The following FOCAD variants were observed in gnomAD, a reference collection of about 807,000 sequenced individuals.
FOCAD encodes focadhesin, also known as KIAA1797.
In FOCAD, 198 loss-of-function variants were observed where a neutral mutation model predicts 225.6. That is an observed-to-expected ratio of 0.88 (90% CI 0.78 to 0.99). FOCAD has a LOEUF of 0.99. Ranked by LOEUF, FOCAD falls within the 50% of genes least tolerant of loss-of-function variation. FOCAD has a pLI of 0.00. For synonymous variants in FOCAD, 897 were observed against 755.0 expected, an observed-to-expected ratio of 1.19 and a Z score of -3.08; for missense variants, 2,713 against 2,123.6, an observed-to-expected ratio of 1.28 and a Z score of -5.46.
At chr9:20,790,457 A>T (rs1296234433) in intron 11 of FOCAD, among the ~76,000 whole-genome samples, 1 of 152,178 alleles carries the variant, frequency 6.6e-6, no homozygotes, top group Non-Finnish European at 1.5e-5. Flanking sequence ...ATGGTAGAAA[A>T]CGGGCAAATG....
At chr9:20,898,500 G>A (rs1832292194) in intron 21 of FOCAD, among the ~76,000 whole-genome samples, 2 of 151,800 alleles carry the variant, frequency 1.3e-5, no homozygotes, top group Non-Finnish European at 2.9e-5. Flanking sequence ...CTCCTCAGTT[G>A]TGTCCAGTCT....
chr9:20,729,474 T>C (rs1446143488), intron 4 of FOCAD, among the ~76,000 whole-genome samples: 2 of 152,172 alleles, frequency 1.3e-5, no homozygotes, highest in Admixed American at 1.3e-4. Context: ...CTTAATTTAA[T>C]TATATCTACA....
Position 20,978,486 on chromosome 9 carries a change from G to T in FOCAD, c.4377+32G>T, listed in dbSNP as rs189230991. On this transcript the variant is annotated intron_variant, in intron 37 of 43. Coordinates refer to ENST00000338382, the MANE Select transcript of FOCAD (RefSeq NM_001375567.1). Reference sequence around the variant, plus strand: ...AGTAACTAAGGGTGTTGGCCAACAGGAGGATATTGTTCTTTAGGAGGATAT... The same window carrying T: ...AGTAACTAAGGGTGTTGGCCAACAGTAGGATATTGTTCTTTAGGAGGATAT... The T allele has an allele frequency of 1.3e-5, 19 of 1,427,772 alleles. No homozygotes were observed. In the Admixed American group the frequency reaches 3.4e-4, roughly 26 times the overall value. 88.4% of individuals were successfully genotyped at this position (1,427,772 alleles called of 1,614,324 possible). A position where few individuals can be genotyped will look rare whatever the true frequency, so the allele number is the denominator to read the frequency against.
chr9:20,945,449 T>C (rs962943840), intron 29 of FOCAD, among the ~76,000 whole-genome samples: 4 of 152,188 alleles, frequency 2.6e-5, no homozygotes, highest in South Asian at 2.1e-4. Flanking sequence ...CAGATTCTAT[T>C]TTATCCCAGC....
At position 20,995,887 on chromosome 9, in the gene FOCAD, T is replaced by G. The variant is rs1842020362; in HGVS notation, c.*258T>G. The G allele has an allele frequency of 3.8e-6, 1 of 259,922 alleles. No individual in the cohort carries two copies. The highest frequency in any genetic ancestry group is 5.3e-5 in the Admixed American group (1 of 18,800). The allele number at this position is 259,922 out of a possible 1,614,324, so 16.1% of individuals were successfully genotyped here. A position where few individuals can be genotyped will look rare whatever the true frequency, so the allele number is the denominator to read the frequency against. Reference sequence around the variant, plus strand: ...TGGCTTGAGTTCAATGTGGAGATTTTCTTTGTGAAAGCTTGAAGATATTAT... The same window carrying G: ...TGGCTTGAGTTCAATGTGGAGATTTGCTTTGTGAAAGCTTGAAGATATTAT... On this transcript the variant is annotated 3_prime_UTR_variant, in exon 44 of 44. Coordinates refer to ENST00000338382, the MANE Select transcript of FOCAD (RefSeq NM_001375567.1).
At chr9:20,994,621 A>C (rs1406179229) in intron 43 of FOCAD, among the ~76,000 whole-genome samples, 1 of 152,246 alleles carries the variant, frequency 6.6e-6, no homozygotes, top group African/African-American at 2.4e-5. Context: ...TAACTCTGAT[A>C]AACCACAGAA....
In FOCAD at chr9:20,990,115, C is replaced by T. The variant is rs1006876115; in HGVS notation, c.5005-8C>T. On this transcript the variant is annotated splice_polypyrimidine_tract_variant and splice_region_variant and intron_variant, in intron 41 of 43. Transcript: ENST00000338382. ...TATGACCTAACGTCATTTCTATTTT[C>T]ATCGTAGGCTTTGGACTTCTTCTTG... 1.8e-5 allele frequency: 29 copies of T among 1,613,678 alleles called. No individual in the cohort carries two copies. Among genetic ancestry groups the T allele is most frequent in the Non-Finnish European group, 2.2e-5 (26 of 1,179,652 alleles).
chr9:20,820,433 C>T lies in FOCAD; in HGVS notation c.1662+8C>T, dbSNP rs756350094. 1.7e-5 allele frequency: 27 copies of T among 1,603,798 alleles called. No individual in the cohort carries two copies. The highest frequency in any genetic ancestry group is 2.3e-5 in the Non-Finnish European group (27 of 1,171,458). On this transcript the variant is annotated splice_region_variant and intron_variant, in intron 13 of 43. Coordinates refer to ENST00000338382, the MANE Select transcript of FOCAD (RefSeq NM_001375567.1). Reference sequence around the variant, plus strand: ...TCTTTGTGGGAAAAGCAGGTAATTTCAGATATACACTTGCATGAGTATTAA... The same window carrying T: ...TCTTTGTGGGAAAAGCAGGTAATTTTAGATATACACTTGCATGAGTATTAA...
chr9:20,688,733 A>G (rs776782446), intron 1 of FOCAD, among the ~76,000 whole-genome samples: 2 of 152,352 alleles, frequency 1.3e-5, no homozygotes, highest in Non-Finnish European at 1.5e-5. Flanking sequence ...GTGGATGTCT[A>G]GAAGATAAGG....
At chr9:20,835,996 G>A (rs1825960300) in intron 15 of FOCAD, among the ~76,000 whole-genome samples, 1 of 152,026 alleles carries the variant, frequency 6.6e-6, no homozygotes. Flanking sequence ...AATACCCTGT[G>A]CCAAGGTTAT....
intron 21 of FOCAD, among the ~76,000 whole-genome samples, chr9:20,901,413 A>G (rs949791657): frequency 1.3e-5 from 2 of 151,812 alleles, no homozygotes; most frequent in Non-Finnish European, 2.9e-5. Context: ...TTTACATGCT[A>G]CTCTTCCAAT....
At chr9:20,978,022 A>G (rs945148783) in intron 36 of FOCAD, among the ~76,000 whole-genome samples, 1 of 152,214 alleles carries the variant, frequency 6.6e-6, no homozygotes, top group African/African-American at 2.4e-5. Context: ...GGAAAAACAG[A>G]GATCCAGAGA....
At chr9:20,722,828 A>G (rs1341055920) in intron 4 of FOCAD, among the ~76,000 whole-genome samples, 1 of 152,194 alleles carries the variant, frequency 6.6e-6, no homozygotes, top group Non-Finnish European at 1.5e-5. Context: ...TGTGAAATGC[A>G]GGGATGGTAT....
At position 20,659,440 on chromosome 9, in the gene FOCAD, A is replaced by AAGAAAGAAAGAAAGAAAGAAAGACAGAC. The variant is rs71334544; in HGVS notation, c.-78+617_-78+618insAAGAAAGAAAGAAAGAAAGACAGACAGA. Reference sequence around the variant, plus strand: ...GAAAGAAAGGAGAAAGAAAGAAAGAAAGACAGACAGACAGAAAGAAAAAGA... The same window carrying AAGAAAGAAAGAAAGAAAGAAAGACAGAC: ...GAAAGAAAGGAGAAAGAAAGAAAGAAAGAAAGAAAGAAAGAAAGAAAGACAGACAGACAGACAGACAGAAAGAAAAAGA... On this transcript the variant is annotated intron_variant, in intron 2 of 45. Coordinates refer to the FOCAD transcript ENST00000380249. 2.0e-3 allele frequency among the ~76,000 whole-genome samples: 287 copies of AAGAAAGAAAGAAAGAAAGAAAGACAGAC among 145,184 alleles called. 2 individuals are homozygous for AAGAAAGAAAGAAAGAAAGAAAGACAGAC. The highest frequency in any genetic ancestry group is 0.012 in the East Asian group (56 of 4,816).
intron 37 of FOCAD, among the ~76,000 whole-genome samples, chr9:20,979,867 G>A (rs1259169498): frequency 6.6e-6 from 1 of 152,134 alleles, no homozygotes; most frequent in Non-Finnish European, 1.5e-5. Context: ...AGCCTGACGG[G>A]ACAGTTTTAA....
rs761794065 is a variant in FOCAD at position 20,885,225 on chromosome 9, C to CATGAG, written c.2621_2625dup (p.Val876MetfsTer24). On this transcript the variant is annotated frameshift_variant, in exon 21 of 44. Transcript: ENST00000338382. LOFTEE classifies it high-confidence loss of function. ...CAAGCAGACTTCACTTGCTCTTGTA[C>CATGAG]ATGAGGTAGGTTCCCGTGTCCTCTT... 6.6e-7 allele frequency: 1 copy of CATGAG among 1,515,452 alleles called. No individual in the cohort carries two copies. The highest frequency in any genetic ancestry group is 2.4e-5 in the East Asian group (1 of 41,034). The allele number at this position is 1,515,452 out of a possible 1,614,324, so 93.9% of individuals were successfully genotyped here. A position where few individuals can be genotyped will look rare whatever the true frequency, so the allele number is the denominator to read the frequency against.
At chr9:20,983,218 CTA>C (rs1840860955) in intron 39 of FOCAD, among the ~76,000 whole-genome samples, 1 of 152,136 alleles carries the variant, frequency 6.6e-6, no homozygotes, top group South Asian at 2.1e-4. Context: ...GCCCAGGAGT[CTA>C]TGTTTTAATT....
intron 6 of FOCAD, among the ~76,000 whole-genome samples, chr9:20,758,776 G>A (rs1009100837): frequency 7.2e-5 from 11 of 152,074 alleles, no homozygotes; most frequent in African/African-American, 2.7e-4. Flanking sequence ...GGGCAATTAG[G>A]CAGGAGAAGG....
At chr9:20,882,545 T>G (rs1238419935) in intron 20 of FOCAD, among the ~76,000 whole-genome samples, 1 of 152,144 alleles carries the variant, frequency 6.6e-6, no homozygotes, top group Non-Finnish European at 1.5e-5. Flanking sequence ...AAAAACAGCA[T>G]GCAAGAGGTA....
Sources: gnomAD v4.1 joint callset for allele counts (sites outside exome capture counted in the v4.1 genomes callset) on GRCh38, gnomAD v4.1.1 for gene constraint, MANE v1.5 for transcripts, NCBI Gene and HGNC (gene_info 2026-07-23, HGNC 2026-07-21) for gene names.